FBLN7: variants seen among roughly 807,000 people sequenced by gnomAD.
The protein encoded by FBLN7 is fibulin-7.
FBLN7 carries 31 observed loss-of-function variants against 44.0 expected under a neutral mutation model. The ratio of observed to expected loss-of-function variants is 0.70; its 90% CI spans 0.53 to 0.95. The LOEUF is 0.95. FBLN7 is among the 40% of genes least tolerant of loss of function. The pLI is 0.00. For missense variants in FBLN7, 573 were observed against 618.5 expected, an observed-to-expected ratio of 0.93 and a Z score of 0.78; for synonymous variants, 262 against 253.4, an observed-to-expected ratio of 1.03 and a Z score of -0.32.
At chr2:112,214,684 T>C in the FBLN7 span, 2 of 152,072 alleles carry the variant, frequency 1.3e-5, no homozygotes, top group Non-Finnish European at 2.9e-5. Flanking sequence ...GCTGAAGCAG[T>C]ATACTCGGAA....
rs566111109 is a variant in FBLN7, at chr2:112,144,026, A to G, written c.75+5296A>G. On this transcript the variant is annotated intron_variant, in intron 1 of 7. Coordinates refer to ENST00000331203, the MANE Select transcript of FBLN7 (RefSeq NM_153214.3). ...ATAACTTTGTCACAAAATATCTTTT[A>G]TTATTTTCACATTGCTTAGTATATC... Among the ~76,000 whole-genome samples, 3 of 152,310 alleles carry G rather than the reference A, an allele frequency of 2.0e-5. No homozygotes were observed. The South Asian group carries it at 6.2e-4, about 32-fold the overall frequency.
the FBLN7 span, among the ~76,000 whole-genome samples, chr2:112,236,935 A>G: frequency 3.9e-5 from 6 of 152,198 alleles, no homozygotes; most frequent in Admixed American, 3.9e-4. Context: ...GCACGCCTGT[A>G]GTCCAGCTAC....
chr2:112,236,278 TA>T, the FBLN7 span, among the ~76,000 whole-genome samples: 1 of 151,910 alleles, frequency 6.6e-6, no homozygotes, highest in East Asian at 1.9e-4. Context: ...ATAACAATAA[TA>T]AAAAAAATCA....
At chr2:112,198,057 A>G in the FBLN7 span, among the ~76,000 whole-genome samples, 790 of 152,280 alleles carry the variant, frequency 5.2e-3, 8 homozygotes, top group African/African-American at 0.018. Context: ...AACAGCAAAC[A>G]AAATCAAAGC....
intron 4 of FBLN7, chr2:112,178,088 A>G (rs1682813530): frequency 6.6e-6 from 1 of 152,056 alleles, no homozygotes; most frequent in South Asian, 2.1e-4. Flanking sequence ...GAATCATTTG[A>G]ATGCGGGAGA....
intron 1 of FBLN7, among the ~76,000 whole-genome samples, chr2:112,142,721 G>A (rs761064701): frequency 3.3e-5 from 5 of 152,046 alleles, no homozygotes; most frequent in South Asian, 2.1e-4. Context: ...CTTGCTTTGC[G>A]TTTTAGGAGA....
chr2:112,154,044 G>C (rs1226766911), intron 1 of FBLN7, among the ~76,000 whole-genome samples: 1 of 152,226 alleles, frequency 6.6e-6, no homozygotes, highest in Non-Finnish European at 1.5e-5. Context: ...GGTGACATCT[G>C]TTGTTCCTTC....
chr2:112,182,656 G>A lies in FBLN7; in HGVS notation c.671-135G>A, dbSNP rs1683060574. ...GAGTGCTCTGCTGGGGGTAGGGCAT[G>A]GCGGCTGCCCGAGGCCCAGCCACTT... On this transcript the variant is annotated intron_variant, in intron 5 of 7. Transcript: ENST00000331203. The A allele has an allele frequency of 4.3e-5, 46 of 1,066,130 alleles. 1 individual carries two copies. In the South Asian group the frequency reaches 6.7e-4, roughly 16 times the overall value. 66.0% of individuals were successfully genotyped at this position (1,066,130 alleles called of 1,614,324 possible).
At chr2:112,175,606 G>T in intron 3 of FBLN7, 108 bp from the exon 4 acceptor site, 1 of 1,406,204 alleles carries the variant, frequency 7.1e-7, no homozygotes, top group Non-Finnish European at 9.7e-7. Context: ...TAGAAAGTGG[G>T]AGTTCTCCTA....
chr2:112,227,336 C>T, the FBLN7 span, among the ~76,000 whole-genome samples: 1 of 152,150 alleles, frequency 6.6e-6, no homozygotes, highest in Non-Finnish European at 1.5e-5. Context: ...ACCAGCCTGG[C>T]CAACATGGTG....
At chr2:112,154,197 G>A (rs533096820) in intron 1 of FBLN7, among the ~76,000 whole-genome samples, 113 of 152,270 alleles carry the variant, frequency 7.4e-4, no homozygotes, top group African/African-American at 2.6e-3. Flanking sequence ...TCTCCTCTTA[G>A]TTCCATTTCA....
At position 112,165,176 on chromosome 2, in the gene FBLN7, C is replaced by G; in HGVS notation, c.406+5C>G. 1 of 1,613,740 alleles carries G rather than the reference C, an allele frequency of 6.2e-7. No homozygotes were observed. Among genetic ancestry groups the G allele is most frequent in the Non-Finnish European group, 8.5e-7 (1 of 1,179,760 alleles). On this transcript the variant is annotated splice_donor_5th_base_variant and intron_variant, in intron 3 of 7. Coordinates refer to ENST00000331203, the MANE Select transcript of FBLN7 (RefSeq NM_153214.3). ...GGGAGCAGCCCCACTGTAGAGGTAT[C>G]GTCTCTCCTTCCCATCCCACTGCGC...
rs2312696 is a variant in FBLN7, at chr2:112,160,679, G to C, written c.235+844G>C. On this transcript the variant is annotated intron_variant, in intron 2 of 7. Transcript: ENST00000331203. ...ACACGCGCACGCACACGCACACGCA[G>C]ACGCACGCACACGCACACACGCACG... Among the ~76,000 whole-genome samples, 1,034 of 118,298 alleles carry C rather than the reference G, an allele frequency of 8.7e-3. 360 individuals carry two copies. Among genetic ancestry groups the C allele is most frequent in the Non-Finnish European group, 0.011 (625 of 56,658 alleles). 77.6% of individuals were successfully genotyped at this position (118,298 alleles called of 152,430 possible).
chr2:112,191,847 T>A (rs1002871495), downstream of FBLN7, among the ~76,000 whole-genome samples: 2 of 152,228 alleles, frequency 1.3e-5, no homozygotes. Context: ...TATAATTATG[T>A]AAACTATTTA....
chr2:112,208,380 G>A, the FBLN7 span, among the ~76,000 whole-genome samples: 1 of 152,088 alleles, frequency 6.6e-6, no homozygotes, highest in East Asian at 1.9e-4. Context: ...CAGCCTGGGT[G>A]ACAGAGTGAG....
At chr2:112,150,459 T>G (rs946010241) in intron 1 of FBLN7, among the ~76,000 whole-genome samples, 4 of 152,032 alleles carry the variant, frequency 2.6e-5, no homozygotes, top group Non-Finnish European at 5.9e-5. Flanking sequence ...CCTGAACGGG[T>G]CAGTATCACC....
At chr2:112,198,847 G>A in the FBLN7 span, among the ~76,000 whole-genome samples, 1 of 152,122 alleles carries the variant, frequency 6.6e-6, no homozygotes, top group Non-Finnish European at 1.5e-5. Flanking sequence ...CCCAGCCTAA[G>A]GTAGTTTATT....
At chr2:112,198,049 C>T in the FBLN7 span, among the ~76,000 whole-genome samples, 3 of 152,094 alleles carry the variant, frequency 2.0e-5, no homozygotes, top group Non-Finnish European at 2.9e-5. Flanking sequence ...GCCTGGAGAA[C>T]AGCAAACAAA....
intron 2 of FBLN7, among the ~76,000 whole-genome samples, chr2:112,160,773 GACGCACACGCACGCAC>G (rs1409345947): frequency 1.8e-4 from 4 of 22,070 alleles, no homozygotes; most frequent in Non-Finnish European, 4.1e-4. Flanking sequence ...CGCACACGCA[GACGCACACGCACGCAC>G]ACGCACACAC....
Sources: allele counts gnomAD v4.1 joint callset (sites outside exome capture counted in the v4.1 genomes callset), GRCh38; gene constraint gnomAD v4.1.1; transcripts MANE v1.5; gene names NCBI Gene and HGNC (gene_info 2026-07-23, HGNC 2026-07-21).